Variants in OR10AG1 observed in about 807,000 individuals in gnomAD.
OR10AG1 encodes olfactory receptor family 10 subfamily AG member 1, also known as olfactory receptor 10AG1.
For synonymous variants in OR10AG1, 147 were observed against 128.6 expected, an observed-to-expected ratio of 1.14 and a Z score of -0.97; for missense variants, 433 against 376.5, an observed-to-expected ratio of 1.15 and a Z score of -1.24.
At position 55,967,765 on chromosome 11, in the gene OR10AG1, T is replaced by C. The variant is rs764307711; in HGVS notation, c.759A>G (p.Ser253=). Residue 253 remains serine, a synonymous_variant, in exon 2 of 2, where the codon TCA becomes TCG. Transcript: ENST00000641071. ...RGKAKAFSTC[S]SHLIVVILFF... Reference sequence around the variant, plus strand: ...ATAAGATTACAACTATTAGGTGAGATGAGCAGGTGGAGAAGGCTTTAGCCT... The same window carrying C: ...ATAAGATTACAACTATTAGGTGAGACGAGCAGGTGGAGAAGGCTTTAGCCT... 3.1e-6 allele frequency: 5 copies of C among 1,613,760 alleles called. No individual in the cohort carries two copies. The highest frequency in any genetic ancestry group is 1.1e-5 in the South Asian group (1 of 91,074).
At position 55,966,732 on chromosome 11, in the gene OR10AG1, C is replaced by G. The variant is rs969401068; in HGVS notation, c.*826G>C. 1.3e-5 allele frequency: 2 copies of G among 152,160 alleles called. No homozygotes were observed. Among genetic ancestry groups the G allele is most frequent in the Non-Finnish European group, 2.9e-5 (2 of 68,034 alleles). 9.4% of individuals were successfully genotyped at this position (152,160 alleles called of 1,614,324 possible). On this transcript the variant is annotated 3_prime_UTR_variant, in exon 2 of 2. Coordinates refer to ENST00000641071, the MANE Select transcript of OR10AG1 (RefSeq NM_001005491.2). ...TCTCTGCACCTTTTTTCCCCTCAAA[C>G]TTCTTCTGCCTCTTTGTCTTTTATA...
Position 55,968,248 on chromosome 11 carries a change from C to A in OR10AG1, c.276G>T (p.Met92Ile), listed in dbSNP as rs775309982. 3 of 1,613,360 alleles carry A rather than the reference C, an allele frequency of 1.9e-6. No homozygotes were observed. The highest frequency in any genetic ancestry group is 2.5e-6 in the Non-Finnish European group (3 of 1,179,446). Residue 92 changes from methionine to isoleucine, a missense_variant, in exon 2 of 2, where the codon ATG (methionine) becomes ATT (isoleucine). Met to Ile is a conservative substitution (Grantham distance 10, BLOSUM62 1). Transcript: ENST00000641071. ...ICYVTIIIPR[M>I]LMDIWTQKGN... The stretch of plus-strand genomic sequence containing the variant: ...CTTTCTGAGTCCAAATGTCCATGAG[C>A]ATTCTTGGGATAATGATTGTTACAT...
In OR10AG1 at chr11:55,967,883, G is replaced by A. The variant is rs564411786; in HGVS notation, c.641C>T (p.Ala214Val). The A allele has an allele frequency of 2.2e-5, 36 of 1,613,984 alleles. No individual in the cohort carries two copies. Among genetic ancestry groups the A allele is most frequent in the African/African-American group, 2.0e-4 (15 of 74,980 alleles). Reference protein sequence around the residue: ...FVNEITVHVVAVVFITVPFLL... With the variant: ...FVNEITVHVVVVVFITVPFLL... ...AAATGGCACCGTGATAAACACCACC[G>A]CTACTACATGGACTGTTATCTCATT... is the stretch of plus-strand genomic sequence containing the variant. The change falls in exon 2 of 2, where the codon GCG becomes GTG. Residue 214 changes from alanine (A) to valine (V), a missense_variant. Physicochemically the swap from Ala to Val is moderately conservative, Grantham distance 64. Transcript: ENST00000641071.
In OR10AG1 at chr11:55,967,892, T is replaced by C. The variant is rs2134616718; in HGVS notation, c.632A>G (p.His211Arg). 6.2e-7 allele frequency: 1 copy of C among 1,614,092 alleles called. No homozygotes were observed. The highest frequency in any genetic ancestry group is 8.5e-7 in the Non-Finnish European group (1 of 1,179,974). Residue 211 changes from histidine (H) to arginine (R), a missense_variant, in exon 2 of 2, where the codon CAT (histidine) becomes CGT (arginine). Coordinates refer to ENST00000641071, the MANE Select transcript of OR10AG1 (RefSeq NM_001005491.2). The part of the protein sequence containing the change: ...GNIFVNEITV[H>R]VVAVVFITVP... ...CGTGATAAACACCACCGCTACTACA[T>C]GGACTGTTATCTCATTCACAAATAT...
rs1852702996 is a variant in OR10AG1 at position 55,967,773 on chromosome 11, T to C, written c.751A>G (p.Thr251Ala). The change falls in exon 2 of 2, where the codon ACC becomes GCC. Residue 251 changes from threonine (T) to alanine (A), a missense_variant. Physicochemically the swap from Thr to Ala is moderately conservative, Grantham distance 58. Transcript: ENST00000641071. ...SARGKAKAFS[T>A]CSSHLIVVIL... is the part of the protein sequence containing the mutation. ...ACAACTATTAGGTGAGATGAGCAGG[T>C]GGAGAAGGCTTTAGCCTTTCCTCTG... 4 of 1,613,784 alleles carry C rather than the reference T, an allele frequency of 2.5e-6. No individual in the cohort carries two copies. In the African/African-American group the frequency reaches 5.3e-5, roughly 22 times the overall value.
Position 55,967,984 on chromosome 11 carries a change from G to T in OR10AG1, c.540C>A (p.Cys180Ter), listed in dbSNP as rs754960387. ...AGAAATGATTAATTGTGTTAGTTCC[G>T]CAAAAGGGCAAAAGGAAAATTTGGC... is the stretch of plus-strand genomic sequence containing the variant. Reference protein sequence around the residue: ...ETCQIFLLPFCGTNTINHFFC... With the variant: ...ETCQIFLLPF The change falls in exon 2 of 2, where the codon TGC becomes TGA. Residue 180 changes from cysteine (C) to a stop codon, truncating the protein, a stop_gained. Transcript: ENST00000641071. LOFTEE classifies it low-confidence loss of function (END_TRUNC). The T allele has an allele frequency of 6.2e-7, 1 of 1,613,982 alleles. No homozygotes were observed. Among genetic ancestry groups the T allele is most frequent in the African/African-American group, 1.3e-5 (1 of 74,946 alleles).
At position 55,967,711 on chromosome 11, in the gene OR10AG1, T is replaced by C. The variant is rs1229517999; in HGVS notation, c.813A>G (p.Leu271=). 3 of 1,613,848 alleles carry C rather than the reference T, an allele frequency of 1.9e-6. No homozygotes were observed. The highest frequency in any genetic ancestry group is 1.7e-5 in the Admixed American group (1 of 60,000). The change falls in exon 2 of 2, where the codon TTA becomes TTG. Residue 271 remains leucine (L), a synonymous_variant. Transcript: ENST00000641071. ...TTTGAAACTGATGTGGTTTGGGCTGTAAATAAGTGATAGTACCTGCTCCAA... is the reference window on the plus strand; with the variant it reads ...TTTGAAACTGATGTGGTTTGGGCTGCAAATAAGTGATAGTACCTGCTCCAA... ...LFFGAGTITY[L]QPKPHQFQRM...
In OR10AG1 at chr11:55,967,845, C is replaced by T; in HGVS notation, c.679G>A (p.Val227Ile). ...TTGGAGATAATTTTGCCATAAGAGA[C>T]AACAATCAACAGAAATGGCACCGTG... The part of the protein sequence containing the change: ...FITVPFLLIV[V>I]SYGKIISNIL... The change falls in exon 2 of 2, where the codon GTC becomes ATC. Residue 227 changes from valine to isoleucine, a missense_variant. Coordinates refer to ENST00000641071, the MANE Select transcript of OR10AG1 (RefSeq NM_001005491.2). The T allele has an allele frequency of 6.2e-7, 1 of 1,614,048 alleles. No individual in the cohort carries two copies. Among genetic ancestry groups the T allele is most frequent in the Non-Finnish European group, 8.5e-7 (1 of 1,179,984 alleles).
chr11:55,967,901 A>T lies in OR10AG1; in HGVS notation c.623T>A (p.Ile208Lys). ...CACCACCGCTACTACATGGACTGTT[A>T]TCTCATTCACAAATATGTTTCCACA... ...LACGNIFVNE[I>K]TVHVVAVVFI... Residue 208 changes from isoleucine to lysine, a missense_variant, in exon 2 of 2, where the codon ATA (isoleucine) becomes AAA (lysine). Transcript: ENST00000641071. 18 of 1,614,138 alleles carry T rather than the reference A, an allele frequency of 1.1e-5. No individual in the cohort carries two copies. Among genetic ancestry groups the T allele is most frequent in the Non-Finnish European group, 1.4e-5 (17 of 1,179,980 alleles).
At chr11:55,969,052 T>A (rs1161931091) in intron 1 of OR10AG1, among the ~76,000 whole-genome samples, 1 of 152,120 alleles carries the variant, frequency 6.6e-6, no homozygotes, top group Non-Finnish European at 1.5e-5. Context: ...CTCTCTCCTA[T>A]TATTTATGCT....
Position 55,967,426 on chromosome 11 carries a change from A to G in OR10AG1, c.*132T>C. The stretch of plus-strand genomic sequence containing the variant: ...TATTCTGTGAATAAAACACCCCTTG[A>G]CATAATGTAAGTTTGTATTTAAATT... On this transcript the variant is annotated 3_prime_UTR_variant, in exon 2 of 2. Coordinates refer to ENST00000641071, the MANE Select transcript of OR10AG1 (RefSeq NM_001005491.2). 1.6e-5 allele frequency: 10 copies of G among 609,756 alleles called. No individual in the cohort carries two copies. The highest frequency in any genetic ancestry group is 2.6e-5 in the Non-Finnish European group (9 of 349,240). The allele number at this position is 609,756 out of a possible 1,614,324, so 37.8% of individuals were successfully genotyped here. A position where few individuals can be genotyped will look rare whatever the true frequency, so the allele number is the denominator to read the frequency against.
At position 55,968,476 on chromosome 11, in the gene OR10AG1, A is replaced by T; in HGVS notation, c.48T>A (p.Asn16Lys). 2.6e-6 allele frequency: 4 copies of T among 1,514,676 alleles called. No homozygotes were observed. Among genetic ancestry groups the T allele is most frequent in the Non-Finnish European group, 3.6e-6 (4 of 1,126,310 alleles). The allele number at this position is 1,514,676 out of a possible 1,614,324, so 93.8% of individuals were successfully genotyped here. ...GAACAAATTCCATTATTGTAGTCACATTTGATTTTTCTCTTTTAGTTTGCT... is the reference window on the plus strand; with the variant it reads ...GAACAAATTCCATTATTGTAGTCACTTTTGATTTTTCTCTTTTAGTTTGCT... ...DGEQTKREKSNVTTIMEFVLL... is the reference protein window; with the variant it reads ...DGEQTKREKSKVTTIMEFVLL... Residue 16 changes from asparagine to lysine, a missense_variant, in exon 2 of 2, where the codon AAT becomes AAA. Coordinates refer to ENST00000641071, the MANE Select transcript of OR10AG1 (RefSeq NM_001005491.2).
Position 55,968,291 on chromosome 11 carries a change from G to C in OR10AG1, c.233C>G (p.Ser78Cys). 1 of 1,613,726 alleles carries C rather than the reference G, an allele frequency of 6.2e-7. No individual in the cohort carries two copies. Among genetic ancestry groups the C allele is most frequent in the Non-Finnish European group, 8.5e-7 (1 of 1,179,774 alleles). ...TPMYFFLSNF[S>C]LLEICYVTII... ...TGTTACATAACAGATTTCCAAAAGG[G>C]AAAAATTGCTAAGAAAAAAATACAT... Residue 78 changes from serine (S) to cysteine (C), a missense_variant, in exon 2 of 2, where the codon TCC (serine) becomes TGC (cysteine). Coordinates refer to ENST00000641071, the MANE Select transcript of OR10AG1 (RefSeq NM_001005491.2).
chr11:55,966,374 A>G lies in OR10AG1; in HGVS notation c.*1184T>C, dbSNP rs1852689116. 3 of 151,578 alleles carry G rather than the reference A, an allele frequency of 2.0e-5. No homozygotes were observed. The highest frequency in any genetic ancestry group is 2.0e-4 in the Admixed American group (3 of 15,210). The allele number at this position is 151,578 out of a possible 1,614,324, so 9.4% of individuals were successfully genotyped here. ...TAGGGTGGAATGGCATATCAGCTGA[A>G]TCAGCTGAGGCAAGGTGGAATACAG... On this transcript the variant is annotated 3_prime_UTR_variant, in exon 2 of 2. Coordinates refer to ENST00000641071, the MANE Select transcript of OR10AG1 (RefSeq NM_001005491.2).
Position 55,967,730 on chromosome 11 carries a change from G to T in OR10AG1, c.794C>A (p.Ala265Glu). Residue 265 changes from alanine to glutamate, a missense_variant, in exon 2 of 2, where the codon GCA becomes GAA. Transcript: ENST00000641071. ...GGGCTGTAAATAAGTGATAGTACCT[G>T]CTCCAAAGAATAAGATTACAACTAT... The part of the protein sequence containing the change: ...HLIVVILFFG[A>E]GTITYLQPKP... 6.2e-7 allele frequency: 1 copy of T among 1,613,898 alleles called. No individual in the cohort carries two copies. The highest frequency in any genetic ancestry group is 8.5e-7 in the Non-Finnish European group (1 of 1,179,880).
rs1364700155 is a variant in OR10AG1, at chr11:55,967,421, C to G, written c.*137G>C. The G allele has an allele frequency of 5.0e-6, 3 of 600,780 alleles. No individual in the cohort carries two copies. In the African/African-American group the frequency reaches 5.6e-5, roughly 11 times the overall value. 37.2% of individuals were successfully genotyped at this position (600,780 alleles called of 1,614,324 possible). A position where few individuals can be genotyped will look rare whatever the true frequency, so the allele number is the denominator to read the frequency against. On this transcript the variant is annotated 3_prime_UTR_variant, in exon 2 of 2. Transcript: ENST00000641071. ...AACTATATTCTGTGAATAAAACACC[C>G]CTTGACATAATGTAAGTTTGTATTT... is the stretch of plus-strand genomic sequence containing the variant.
In OR10AG1 at chr11:55,966,961, A is replaced by G. The variant is rs1852693900; in HGVS notation, c.*597T>C. On this transcript the variant is annotated 3_prime_UTR_variant, in exon 2 of 2. Coordinates refer to ENST00000641071, the MANE Select transcript of OR10AG1 (RefSeq NM_001005491.2). The stretch of plus-strand genomic sequence containing the variant: ...AGTTTAGGATGAAAACTAAATATTA[A>G]CAAAGCAAGACCTGAAGCTACAAGG... 1 of 152,178 alleles carries G rather than the reference A, an allele frequency of 6.6e-6. No individual in the cohort carries two copies. The highest frequency in any genetic ancestry group is 2.4e-5 in the African/African-American group (1 of 41,384). The allele number at this position is 152,178 out of a possible 1,614,324, so 9.4% of individuals were successfully genotyped here. A position where few individuals can be genotyped will look rare whatever the true frequency, so the allele number is the denominator to read the frequency against.
Position 55,968,200 on chromosome 11 carries a change from AC to A in OR10AG1, c.323del (p.Cys108LeufsTer19), listed in dbSNP as rs757027336. On this transcript the variant is annotated frameshift_variant, in exon 2 of 2. Coordinates refer to ENST00000641071, the MANE Select transcript of OR10AG1 (RefSeq NM_001005491.2). LOFTEE classifies it low-confidence loss of function (END_TRUNC). ...TQKGNISLFA[C>X]ATQMCFFLML... is the part of the protein sequence containing the mutation. ...TAAGAAAAAAACACATTTGTGTAGC[AC>A]AAGCAAACAAAGAAATATTTCCTTT... The A allele has an allele frequency of 1.4e-5, 22 of 1,613,978 alleles. No homozygotes were observed. Among genetic ancestry groups the A allele is most frequent in the Non-Finnish European group, 1.7e-5 (20 of 1,179,984 alleles).
In OR10AG1 at chr11:55,967,898, G is replaced by T; in HGVS notation, c.626C>A (p.Thr209Lys). ...ACGNIFVNEITVHVVAVVFIT... is the reference protein window; with the variant it reads ...ACGNIFVNEIKVHVVAVVFIT... ...AAACACCACCGCTACTACATGGACT[G>T]TTATCTCATTCACAAATATGTTTCC... is the stretch of plus-strand genomic sequence containing the variant. Residue 209 changes from threonine (T) to lysine (K), a missense_variant, in exon 2 of 2, where the codon ACA becomes AAA. Thr to Lys is a moderately conservative substitution (Grantham distance 78). Coordinates refer to ENST00000641071, the MANE Select transcript of OR10AG1 (RefSeq NM_001005491.2). The T allele has an allele frequency of 1.2e-6, 2 of 1,614,074 alleles. No individual in the cohort carries two copies. Among genetic ancestry groups the T allele is most frequent in the Non-Finnish European group, 1.7e-6 (2 of 1,179,952 alleles).
Sources: allele counts gnomAD v4.1 joint callset (sites outside exome capture counted in the v4.1 genomes callset), GRCh38; gene constraint gnomAD v4.1.1; transcripts MANE v1.5; gene names NCBI Gene and HGNC (gene_info 2026-07-23, HGNC 2026-07-21).